SNRNP70: variants seen among roughly 807,000 people sequenced by gnomAD.
SNRNP70 encodes the protein small nuclear ribonucleoprotein U1 subunit 70.
A neutral mutation model predicts 50.5 loss-of-function variants in SNRNP70; 8 were observed. That is an observed-to-expected ratio of 0.16 (90% CI 0.09 to 0.29). The LOEUF (loss-of-function observed/expected upper bound fraction) is 0.29, where lower values mean the gene tolerates loss of function less well. Ranked by LOEUF, SNRNP70 falls within the 10% of genes least tolerant of loss-of-function variation. The pLI is 1.00. For synonymous variants in SNRNP70, 320 were observed against 252.9 expected, an observed-to-expected ratio of 1.27 and a Z score of -2.52; for missense variants, 529 against 663.5, an observed-to-expected ratio of 0.80 and a Z score of 2.23.
At position 49,085,508 on chromosome 19, in the gene SNRNP70, G is replaced by T. The variant is rs917167704; in HGVS notation, c.-139G>T. The T allele has an allele frequency of 2.2e-6, 1 of 454,726 alleles. No individual in the cohort carries two copies. Among genetic ancestry groups the T allele is most frequent in the Non-Finnish European group, 4.4e-6 (1 of 226,038 alleles). 28.2% of individuals were successfully genotyped at this position (454,726 alleles called of 1,614,324 possible). A position where few individuals can be genotyped will look rare whatever the true frequency, so the allele number is the denominator to read the frequency against. ...CAGCGGCCTGGTGCGCTCGCTTAGCGGGCGACGGAATCAGACGGACGTGGA... is the reference window on the plus strand; with the variant it reads ...CAGCGGCCTGGTGCGCTCGCTTAGCTGGCGACGGAATCAGACGGACGTGGA... On this transcript the variant is annotated 5_prime_UTR_variant, in exon 1 of 10. Coordinates refer to ENST00000598441, the MANE Select transcript of SNRNP70 (RefSeq NM_003089.6).
At chr19:49,088,400 C>T (rs748475669) in intron 2 of SNRNP70, among the ~76,000 whole-genome samples, 1 of 150,644 alleles carries the variant, frequency 6.6e-6, no homozygotes, top group Non-Finnish European at 1.5e-5. Flanking sequence ...GGGGTTTCAC[C>T]GTGTTAGCCA....
In SNRNP70 at chr19:49,098,409, T is replaced by A; in HGVS notation, c.266-18T>A. On this transcript the variant is annotated intron_variant, in intron 4 of 9. Coordinates refer to ENST00000598441, the MANE Select transcript of SNRNP70 (RefSeq NM_003089.6). The stretch of plus-strand genomic sequence containing the variant: ...CATGGACACCTTCAACTTATAAAAT[T>A]CCTTTCTTCCTGCACAGGGGACCCT... 6.2e-7 allele frequency: 1 copy of A among 1,602,166 alleles called. No individual in the cohort carries two copies. Among genetic ancestry groups the A allele is most frequent in the Non-Finnish European group, 8.5e-7 (1 of 1,172,998 alleles).
In SNRNP70 at chr19:49,090,346, A is replaced by G; in HGVS notation, c.203A>G (p.Glu68Gly). The G allele has an allele frequency of 1.2e-6, 2 of 1,613,854 alleles. No homozygotes were observed. Among genetic ancestry groups the G allele is most frequent in the Non-Finnish European group, 1.7e-6 (2 of 1,179,950 alleles). ...TRAETREERM[E>G]RKRREKIERR... ...GCTGAAACCCGAGAGGAGCGCATGG[A>G]GAGGAAAGTATGTCATTTTTGCTTC... The change falls in exon 3 of 10, where the codon GAG (glutamate) becomes GGG (glycine). Residue 68 changes from glutamate (E) to glycine (G), a missense_variant. By Grantham distance (98) the Glu-to-Gly change is moderately conservative. Coordinates refer to ENST00000598441, the MANE Select transcript of SNRNP70 (RefSeq NM_003089.6).
At chr19:49,088,088 A>G (rs1047123625) in intron 2 of SNRNP70, among the ~76,000 whole-genome samples, 4 of 149,410 alleles carry the variant, frequency 2.7e-5, no homozygotes, top group Middle Eastern at 3.3e-3. Flanking sequence ...ATGGGGTTTC[A>G]CCATGTAGGC....
intron 4 of SNRNP70, among the ~76,000 whole-genome samples, chr19:49,095,678 A>G (rs1476978223): frequency 6.6e-6 from 1 of 151,520 alleles, no homozygotes; most frequent in Non-Finnish European, 1.5e-5. Context: ...GCTGGACCAC[A>G]CCCAGCTAAT....
At position 49,105,735 on chromosome 19, in the gene SNRNP70, A is replaced by C. The variant is rs76775793; in HGVS notation, c.577+1000A>C. On this transcript the variant is annotated intron_variant, in intron 8 of 9. Transcript: ENST00000598441. ...CCAGAGCAAGACTCTGTCTCAAAAA[A>C]AAAAACAAAAAACAAAAAAACTGGG... is the stretch of plus-strand genomic sequence containing the variant. Among the ~76,000 whole-genome samples the C allele has an allele frequency of 4.7e-3, 677 of 145,532 alleles. 16 individuals are homozygous for C. The East Asian group carries it at 0.088, about 19-fold the overall frequency.
At chr19:49,097,823 G>C (rs2040531801) in intron 4 of SNRNP70, among the ~76,000 whole-genome samples, 2 of 152,230 alleles carry the variant, frequency 1.3e-5, no homozygotes, top group Non-Finnish European at 2.9e-5. Context: ...TGAGGCTGGA[G>C]TGAGAATCTG....
chr19:49,098,165 C>T (rs1172041378), intron 4 of SNRNP70, among the ~76,000 whole-genome samples: 2 of 152,208 alleles, frequency 1.3e-5, no homozygotes, highest in African/African-American at 2.4e-5. Flanking sequence ...TGCCCACATC[C>T]TGTCAGCTTG....
Position 49,108,529 on chromosome 19 carries a change from G to T in SNRNP70, c.*86G>T. ...TCCCCTCCCCCAACCTTGGCCACTT[G>T]AGTTTGTCCTCCAAGGGTAGGTGTC... On this transcript the variant is annotated 3_prime_UTR_variant, in exon 10 of 10. Coordinates refer to ENST00000598441, the MANE Select transcript of SNRNP70 (RefSeq NM_003089.6). 6.7e-7 allele frequency: 1 copy of T among 1,493,522 alleles called. No homozygotes were observed. Among genetic ancestry groups the T allele is most frequent in the Non-Finnish European group, 9.0e-7 (1 of 1,114,456 alleles). 92.5% of individuals were successfully genotyped at this position (1,493,522 alleles called of 1,614,324 possible).
intron 2 of SNRNP70, among the ~76,000 whole-genome samples, chr19:49,088,116 C>G (rs541427849): frequency 4.6e-5 from 7 of 151,396 alleles, no homozygotes; most frequent in South Asian, 2.1e-4. Context: ...GTTTCGAACC[C>G]CTAACCTCAG....
intron 2 of SNRNP70, among the ~76,000 whole-genome samples, chr19:49,087,217 C>A (rs2040393371): frequency 6.6e-6 from 1 of 150,728 alleles, no homozygotes; most frequent in African/African-American, 2.4e-5. Context: ...GATAGTACAC[C>A]TTTTGTAGAA....
At chr19:49,101,750 T>C in intron 7 of SNRNP70, 1 of 419,464 alleles carries the variant, frequency 2.4e-6, no homozygotes, top group African/African-American at 2.4e-5. Flanking sequence ...GGTGGGGGGC[T>C]GGGGCCAGCT....
Position 49,104,578 on chromosome 19 carries a change from G to C in SNRNP70, c.476-56G>C. The C allele has an allele frequency of 2.9e-6, 4 of 1,363,294 alleles. No homozygotes were observed. The South Asian group carries it at 5.0e-5, about 17-fold the overall frequency. 84.4% of individuals were successfully genotyped at this position (1,363,294 alleles called of 1,614,324 possible). ...GATTCTGTAGAGCTGGGCCTGTCCT[G>C]ACTAGAGGACCCTCTGGGGACTCCT... On this transcript the variant is annotated intron_variant, in intron 7 of 9. Coordinates refer to ENST00000598441, the MANE Select transcript of SNRNP70 (RefSeq NM_003089.6). This position sits in a 1 kb window ranked among gnomAD's most constrained non-coding sequence, Gnocchi z 5.4.
chr19:49,087,777 G>A (rs1161142144), intron 2 of SNRNP70: 1 of 152,194 alleles, frequency 6.6e-6, no homozygotes, highest in East Asian at 1.9e-4. Context: ...ATAACAGAAA[G>A]GTATGTCTTC....
Position 49,107,741 on chromosome 19 carries a change from T to G in SNRNP70, c.665+29T>G. 1 of 1,611,040 alleles carries G rather than the reference T, an allele frequency of 6.2e-7. No individual in the cohort carries two copies. The highest frequency in any genetic ancestry group is 8.5e-7 in the Non-Finnish European group (1 of 1,179,150). On this transcript the variant is annotated intron_variant, in intron 9 of 9. Coordinates refer to ENST00000598441, the MANE Select transcript of SNRNP70 (RefSeq NM_003089.6). This position sits in a 1 kb window ranked among gnomAD's most constrained non-coding sequence, Gnocchi z 6.0. ...AGATTGGGCGACCGGTGTCCTGGGGTGGGGGGCGGTCACGGGGGGAGCCCA... is the reference window on the plus strand; with the variant it reads ...AGATTGGGCGACCGGTGTCCTGGGGGGGGGGGCGGTCACGGGGGGAGCCCA...
rs1415894197 is a variant in SNRNP70 at position 49,104,575 on chromosome 19, C to T, written c.476-59C>T. The T allele has an allele frequency of 7.6e-7, 1 of 1,323,588 alleles. No homozygotes were observed. The highest frequency in any genetic ancestry group is 1.1e-6 in the Non-Finnish European group (1 of 940,984). 82.0% of individuals were successfully genotyped at this position (1,323,588 alleles called of 1,614,324 possible). On this transcript the variant is annotated intron_variant, in intron 7 of 9. Coordinates refer to ENST00000598441, the MANE Select transcript of SNRNP70 (RefSeq NM_003089.6). The surrounding 1 kb of genome is among the most constrained non-coding windows in gnomAD (Gnocchi z 5.4). ...GGGGATTCTGTAGAGCTGGGCCTGT[C>T]CTGACTAGAGGACCCTCTGGGGACT...
chr19:49,100,137 C>A (rs189204953), intron 6 of SNRNP70, among the ~76,000 whole-genome samples: 1 of 152,326 alleles, frequency 6.6e-6, no homozygotes, highest in Admixed American at 6.5e-5. Context: ...AACTAGCCAT[C>A]CTTTAGGGAC....
In SNRNP70 at chr19:49,107,698, C is replaced by T. The variant is rs766055520; in HGVS notation, c.651C>T (p.Ser217=). The part of the protein sequence containing the change: ...NIRHSGRDDT[S]RYDERPGPSP... ...GGCATTCAGGCCGCGATGACACCTC[C>T]CGCTACGATGAGAGGTAAGATTGGG... The change falls in exon 9 of 10, where the codon TCC becomes TCT. Residue 217 remains serine (S), a synonymous_variant. Coordinates refer to ENST00000598441, the MANE Select transcript of SNRNP70 (RefSeq NM_003089.6). The surrounding 1 kb of genome is among the most constrained non-coding windows in gnomAD (Gnocchi z 6.0). The T allele has an allele frequency of 2.5e-6, 4 of 1,613,912 alleles. No individual in the cohort carries two copies. Among genetic ancestry groups the T allele is most frequent in the African/African-American group, 2.7e-5 (2 of 74,892 alleles).
In SNRNP70 at chr19:49,085,495, G is replaced by T. The variant is rs1054068828; in HGVS notation, c.-152G>T. On this transcript the variant is annotated 5_prime_UTR_variant, in exon 1 of 10. Transcript: ENST00000598441. Reference sequence around the variant, plus strand: ...GCGGGTGGCTGAGCAGCGGCCTGGTGCGCTCGCTTAGCGGGCGACGGAATC... The same window carrying T: ...GCGGGTGGCTGAGCAGCGGCCTGGTTCGCTCGCTTAGCGGGCGACGGAATC... 17 of 453,408 alleles carry T rather than the reference G, an allele frequency of 3.7e-5. No homozygotes were observed. Among genetic ancestry groups the T allele is most frequent in the Middle Eastern group, 3.2e-4 (1 of 3,082 alleles). 28.1% of individuals were successfully genotyped at this position (453,408 alleles called of 1,614,324 possible). A position where few individuals can be genotyped will look rare whatever the true frequency, so the allele number is the denominator to read the frequency against.
Sources: allele counts gnomAD v4.1 joint callset (sites outside exome capture counted in the v4.1 genomes callset), GRCh38; gene constraint gnomAD v4.1.1; non-coding constraint Gnocchi (gnomAD v3.1); transcripts MANE v1.5; gene names NCBI Gene and HGNC (gene_info 2026-07-23, HGNC 2026-07-21).